The following KCTD5 variants were observed in gnomAD, a reference collection of about 807,000 sequenced individuals.
The protein encoded by KCTD5 is BTB/POZ domain-containing protein KCTD5.
KCTD5 carries 12 observed loss-of-function variants against 27.9 expected under a neutral mutation model. That is an observed-to-expected ratio of 0.43 (90% CI 0.28 to 0.70). The LOEUF (loss-of-function observed/expected upper bound fraction) is 0.70, where lower values mean the gene tolerates loss of function less well. KCTD5 is among the 30% of genes least tolerant of loss of function. The probability of loss-of-function intolerance (pLI) is 0.19; values close to 1 mark genes in which losing one functional copy is unlikely to be tolerated. For synonymous variants in KCTD5, 147 were observed against 121.4 expected (o/e 1.21, Z -1.39); for missense variants, 226 against 274.8 (o/e 0.82, Z 1.26).
chr16:2,701,179 G>A (rs2067610371), intron 4 of KCTD5, among the ~76,000 whole-genome samples: 1 of 152,248 alleles, frequency 6.6e-6, no homozygotes, highest in Non-Finnish European at 1.5e-5. Context: ...TCCCGGGGCA[G>A]CTTCAGGTCT....
intron 1 of KCTD5, among the ~76,000 whole-genome samples, chr16:2,692,487 C>T (rs533715008): frequency 2.0e-5 from 3 of 152,302 alleles, no homozygotes; most frequent in Admixed American, 6.5e-5. Context: ...GAGAGGGTAG[C>T]TTCCCTCTGC....
intron 1 of KCTD5, among the ~76,000 whole-genome samples, chr16:2,688,222 T>A (rs1319411895): frequency 1.5e-5 from 2 of 133,744 alleles, no homozygotes; most frequent in East Asian, 4.1e-4. Flanking sequence ...AATAAATAAA[T>A]AAATAAATAT....
At position 2,702,493 on chromosome 16, in the gene KCTD5, G is replaced by T. The variant is rs140133666; in HGVS notation, c.675+15G>T. ...AGAAGGCCAAGGTGAGTGCTGGGCC[G>T]GCCCTGGCCTGGGGCAGTCTTGGGT... is the stretch of plus-strand genomic sequence containing the variant. On this transcript the variant is annotated intron_variant, in intron 5 of 5. Coordinates refer to ENST00000301738, the MANE Select transcript of KCTD5 (RefSeq NM_018992.4). The T allele has an allele frequency of 1.3e-3, 2,161 of 1,611,568 alleles. 7 individuals carry two copies. The highest frequency in any genetic ancestry group is 1.7e-3 in the Non-Finnish European group (1,949 of 1,179,204).
rs756997736 is a variant in KCTD5, at chr16:2,702,339, A to C, written c.550-14A>C. The C allele has an allele frequency of 4.3e-6, 7 of 1,613,204 alleles. No homozygotes were observed. The South Asian group carries it at 7.7e-5, about 18-fold the overall frequency. On this transcript the variant is annotated splice_polypyrimidine_tract_variant and intron_variant, in intron 4 of 5. Transcript: ENST00000301738. Reference sequence around the variant, plus strand: ...GCTTCACTGGGCTGCGTCTCAGGCTATGTCTCCTTGCAGTTGGTCAGCATC... The same window carrying C: ...GCTTCACTGGGCTGCGTCTCAGGCTCTGTCTCCTTGCAGTTGGTCAGCATC...
intron 3 of KCTD5, among the ~76,000 whole-genome samples, chr16:2,698,317 G>A (rs889475919): frequency 4.6e-5 from 7 of 152,226 alleles, no homozygotes; most frequent in Non-Finnish European, 7.3e-5. Flanking sequence ...ACCCTGAGGT[G>A]GATGGCATCT....
At chr16:2,686,121 C>G (rs1443445656) in intron 1 of KCTD5, 1 of 81,826 alleles carries the variant, frequency 1.2e-5, no homozygotes, top group Non-Finnish European at 2.5e-5. Context: ...TGGGCTGTGA[C>G]TGCCCCCAAC....
chr16:2,689,869 T>G (rs2067557587), intron 1 of KCTD5, among the ~76,000 whole-genome samples: 1 of 152,148 alleles, frequency 6.6e-6, no homozygotes, highest in Non-Finnish European at 1.5e-5. Flanking sequence ...AGAGACAGGG[T>G]TTCACCATGT....
At chr16:2,699,783 G>T (rs764550858) in intron 3 of KCTD5, 38 bp from the exon 4 acceptor site, 2 of 1,592,652 alleles carry the variant, frequency 1.3e-6, no homozygotes, top group Non-Finnish European at 1.7e-6. Context: ...AGTGGGACAT[G>T]GGTGGCCCGC....
At chr16:2,693,058 C>T (rs1263913046) in intron 1 of KCTD5, among the ~76,000 whole-genome samples, 2 of 152,256 alleles carry the variant, frequency 1.3e-5, no homozygotes, top group Admixed American at 6.5e-5. Context: ...TCCCGAGGCC[C>T]GGGAACCTGA....
At chr16:2,682,835 G>T in intron 1 of KCTD5, 35 bp downstream of exon 1, 2 of 1,541,270 alleles carry the variant, frequency 1.3e-6, no homozygotes, top group Non-Finnish European at 8.7e-7. Context: ...GAGGGTCCTG[G>T]CCTTCCCGGC....
chr16:2,683,961 A>G (rs1429759429), intron 1 of KCTD5: 2 of 146,690 alleles, frequency 1.4e-5, no homozygotes, highest in Non-Finnish European at 3.0e-5. Context: ...TGAGATGCCA[A>G]CCCTCCTGTG....
intron 5 of KCTD5, among the ~76,000 whole-genome samples, chr16:2,705,211 C>T (rs1053389772): frequency 1.3e-5 from 2 of 152,202 alleles, no homozygotes; most frequent in African/African-American, 2.4e-5. Flanking sequence ...CCGTGGCCTC[C>T]TTGACCCCAT....
intron 1 of KCTD5, among the ~76,000 whole-genome samples, chr16:2,688,612 G>A (rs1016777051): frequency 1.6e-4 from 23 of 141,382 alleles, no homozygotes; most frequent in African/African-American, 4.3e-4. Flanking sequence ...TGTTAATGTC[G>A]ACCTCTGGCC....
chr16:2,691,811 G>A (rs10500324), intron 1 of KCTD5, among the ~76,000 whole-genome samples: 40,778 of 152,086 alleles, frequency 0.27, 6,223 homozygotes, highest in Non-Finnish European at 0.33. Context: ...CTCCTTTCAA[G>A]TCTCTTCCTA....
chr16:2,705,396 A>G (rs2067631139), intron 5 of KCTD5, among the ~76,000 whole-genome samples: 2 of 151,896 alleles, frequency 1.3e-5, no homozygotes, highest in Admixed American at 1.3e-4. Context: ...TGTTGGGATG[A>G]CTGGAGGGTG....
chr16:2,706,160 T>TG (rs566215062), intron 5 of KCTD5, among the ~76,000 whole-genome samples: 73 of 152,050 alleles, frequency 4.8e-4, no homozygotes, highest in Non-Finnish European at 8.7e-4. Context: ...GCACTGAGCC[T>TG]GGGGGGCACC....
At chr16:2,685,270 A>G (rs2067535856) in intron 1 of KCTD5, among the ~76,000 whole-genome samples, 1 of 151,408 alleles carries the variant, frequency 6.6e-6, no homozygotes. Context: ...TACTAAAAAT[A>G]CAAAAAAATT....
chr16:2,684,825 C>G (rs1294155218), intron 1 of KCTD5: 3 of 151,752 alleles, frequency 2.0e-5, no homozygotes, highest in South Asian at 2.1e-4. Context: ...GTAGTCCCAG[C>G]TACTCTGGAG....
At chr16:2,700,383 T>G (rs2142057833) in intron 4 of KCTD5, among the ~76,000 whole-genome samples, 1 of 152,268 alleles carries the variant, frequency 6.6e-6, no homozygotes, top group East Asian at 1.9e-4. Context: ...TTCTCTCTGG[T>G]TTTGGCAAGC....
Sources: allele counts gnomAD v4.1 joint callset (sites outside exome capture counted in the v4.1 genomes callset), GRCh38; gene constraint gnomAD v4.1.1; transcripts MANE v1.5; gene names NCBI Gene and HGNC (gene_info 2026-07-23, HGNC 2026-07-21).